KYAT3: variants seen among roughly 807,000 people sequenced by gnomAD.
The protein encoded by KYAT3 is kynurenine--oxoglutarate transaminase 3.
In KYAT3, 50 loss-of-function variants were observed where a neutral mutation model predicts 59.0. The ratio of observed to expected loss-of-function variants is 0.85; its 90% CI spans 0.68 to 1.07. KYAT3 has a LOEUF of 1.07. Ranked by LOEUF, KYAT3 falls within the 50% of genes least tolerant of loss-of-function variation. The pLI is 0.00. For synonymous variants in KYAT3, 148 were observed against 177.0 expected, an observed-to-expected ratio of 0.84 and a Z score of 1.30; for missense variants, 497 against 533.3, an observed-to-expected ratio of 0.93 and a Z score of 0.67.
the KYAT3 span, among the ~76,000 whole-genome samples, chr1:88,924,506 C>A: frequency 6.6e-6 from 1 of 152,164 alleles, no homozygotes; most frequent in Non-Finnish European, 1.5e-5. Context: ...ACCCACAGAC[C>A]TCATATTTAA....
rs1676163282 is a variant in KYAT3 at position 88,961,964 on chromosome 1, TC to T, written c.540+94del. On this transcript the variant is annotated intron_variant, in intron 6 of 13. Coordinates refer to ENST00000260508, the MANE Select transcript of KYAT3 (RefSeq NM_001008661.3). ...ATATACAGGAAATCTCCAAATGCAA[TC>T]AAAGTAGAAACTTTATCATGACAAA... is the stretch of plus-strand genomic sequence containing the variant. 3 of 856,206 alleles carry T rather than the reference TC, an allele frequency of 3.5e-6. No individual in the cohort carries two copies. The Admixed American group carries it at 6.0e-5, about 17-fold the overall frequency. The allele number at this position is 856,206 out of a possible 1,614,324, so 53.0% of individuals were successfully genotyped here.
At chr1:88,924,004 G>A in the KYAT3 span, among the ~76,000 whole-genome samples, 14 of 152,328 alleles carry the variant, frequency 9.2e-5, no homozygotes, top group African/African-American at 1.7e-4. Flanking sequence ...GGTGCCTGGC[G>A]GTGAGCAGGG....
At chr1:88,962,946 C>G (rs1676202595) in intron 5 of KYAT3, among the ~76,000 whole-genome samples, 1 of 150,878 alleles carries the variant, frequency 6.6e-6, no homozygotes, top group South Asian at 2.1e-4. Context: ...TACTCTTCGC[C>G]TTGATTTTTT....
At chr1:88,970,838 T>G (rs1164196262) in intron 2 of KYAT3, among the ~76,000 whole-genome samples, 2 of 152,184 alleles carry the variant, frequency 1.3e-5, no homozygotes, top group African/African-American at 4.8e-5. Context: ...TAATTCAATC[T>G]GGGAAGATAA....
At chr1:88,972,372 T>C (rs1676586474) in intron 2 of KYAT3, among the ~76,000 whole-genome samples, 1 of 152,258 alleles carries the variant, frequency 6.6e-6, no homozygotes, top group South Asian at 2.1e-4. Flanking sequence ...TACCAGGGCA[T>C]AGCCAAGGTG....
chr1:88,938,906 T>C (rs767133990), intron 13 of KYAT3, among the ~76,000 whole-genome samples: 1 of 152,216 alleles, frequency 6.6e-6, no homozygotes, highest in Non-Finnish European at 1.5e-5. Flanking sequence ...TGAAAATCCT[T>C]GAATATAAGT....
chr1:88,954,426 A>C (rs139339293), intron 9 of KYAT3, among the ~76,000 whole-genome samples: 54 of 152,242 alleles, frequency 3.5e-4, no homozygotes, highest in African/African-American at 1.3e-3. Flanking sequence ...AATCATACCC[A>C]CCTTATAGTG....
In KYAT3 at chr1:88,955,139, C is replaced by G. The variant is rs1557687714; in HGVS notation, c.864+10G>C. ...CTATTTTTAAGCAATTAAATTCTTA[C>G]TCATCTTACCTTCCAGCCAGTTACA... On this transcript the variant is annotated intron_variant, in intron 9 of 13. Transcript: ENST00000260508. The G allele has an allele frequency of 6.4e-7, 1 of 1,563,008 alleles. No homozygotes were observed. Among genetic ancestry groups the G allele is most frequent in the Non-Finnish European group, 8.8e-7 (1 of 1,134,216 alleles).
At chr1:88,979,730 G>C (rs968705421) in intron 2 of KYAT3, 1 of 152,146 alleles carries the variant, frequency 6.6e-6, no homozygotes, top group Non-Finnish European at 1.5e-5. Context: ...AATATAAAAG[G>C]GTATAGCCCC....
chr1:88,973,556 G>C (rs1676640649), intron 2 of KYAT3, among the ~76,000 whole-genome samples: 1 of 152,132 alleles, frequency 6.6e-6, no homozygotes, highest in Admixed American at 6.6e-5. Context: ...ATAACTTCTG[G>C]ATCAGCTAAC....
chr1:88,961,781 C>G (rs1007414930), intron 6 of KYAT3, among the ~76,000 whole-genome samples: 1 of 152,082 alleles, frequency 6.6e-6, no homozygotes, highest in Non-Finnish European at 1.5e-5. Flanking sequence ...AAAAATAAGC[C>G]CTGTCAACAT....
downstream of KYAT3, among the ~76,000 whole-genome samples, chr1:88,932,494 T>C (rs1056399941): frequency 2.4e-4 from 37 of 152,206 alleles, no homozygotes; most frequent in African/African-American, 8.4e-4. Flanking sequence ...CAACAGACAT[T>C]ATTACTATTA....
chr1:88,961,091 TG>T, intron 8 of KYAT3, 75 bp downstream of exon 8: 1 of 1,504,090 alleles, frequency 6.6e-7, no homozygotes. Flanking sequence ...AGAGTTGGTC[TG>T]GGATGCTTTC....
chr1:88,933,627 A>C (rs1446582744), downstream of KYAT3, among the ~76,000 whole-genome samples: 1 of 152,176 alleles, frequency 6.6e-6, no homozygotes, highest in Non-Finnish European at 1.5e-5. Context: ...ACCAGTAGAG[A>C]TTGAAGGTCC....
At position 88,936,162 on chromosome 1, in the gene KYAT3, C is replaced by T. The variant is rs1553166857; in HGVS notation, c.*21G>A. 2 of 1,564,272 alleles carry T rather than the reference C, an allele frequency of 1.3e-6. No individual in the cohort carries two copies. Among genetic ancestry groups the T allele is most frequent in the East Asian group, 2.3e-5 (1 of 44,362 alleles). ...TCCATACTAGGTCATCTAACAGAAACATTAATCCATTCTGCACAAATCAAG... is the reference window on the plus strand; with the variant it reads ...TCCATACTAGGTCATCTAACAGAAATATTAATCCATTCTGCACAAATCAAG... On this transcript the variant is annotated 3_prime_UTR_variant, in exon 14 of 14. Coordinates refer to ENST00000260508, the MANE Select transcript of KYAT3 (RefSeq NM_001008661.3).
chr1:88,947,301 T>C (rs2101024017), intron 11 of KYAT3, among the ~76,000 whole-genome samples: 1 of 152,288 alleles, frequency 6.6e-6, no homozygotes, highest in South Asian at 2.1e-4. Context: ...CAAAAAGGCT[T>C]TGGCCCACAG....
At chr1:88,936,353 C>A (rs1675038566) in intron 13 of KYAT3, 108 bp from the exon 14 acceptor site, 3 of 828,358 alleles carry the variant, frequency 3.6e-6, no homozygotes, top group Admixed American at 2.7e-5. Flanking sequence ...TATCTGATCT[C>A]AAGTGAAGAA....
At chr1:88,946,931 T>G (rs1675467225) in intron 11 of KYAT3, among the ~76,000 whole-genome samples, 1 of 152,238 alleles carries the variant, frequency 6.6e-6, no homozygotes, top group Non-Finnish European at 1.5e-5. Context: ...TGAATTCTTA[T>G]GACTGTATGT....
the KYAT3 span, among the ~76,000 whole-genome samples, chr1:88,926,994 C>G: frequency 1.3e-5 from 2 of 152,178 alleles, no homozygotes; most frequent in South Asian, 2.1e-4. Context: ...TAGAATCCAG[C>G]AGCCCGGACC....
Sources: allele counts gnomAD v4.1 joint callset (sites outside exome capture counted in the v4.1 genomes callset), GRCh38; gene constraint gnomAD v4.1.1; transcripts MANE v1.5; gene names NCBI Gene and HGNC (gene_info 2026-07-23, HGNC 2026-07-21).